AZIN1: variants seen among roughly 807,000 people sequenced by gnomAD.
AZIN1 encodes ornithine decarboxylase antizyme inhibitor.
A neutral mutation model predicts 47.4 loss-of-function variants in AZIN1; 12 were observed. That is an observed-to-expected ratio of 0.25 (90% CI 0.16 to 0.41). AZIN1 has a LOEUF of 0.41. Among genes scored for constraint, AZIN1 ranks in the 10% least tolerant of loss-of-function variants. The pLI, the probability that AZIN1 is intolerant of heterozygous loss-of-function variation, is 1.00. For missense variants in AZIN1, 410 were observed against 532.4 expected, an observed-to-expected ratio of 0.77 and a Z score of 2.26; for synonymous variants, 155 against 176.3, an observed-to-expected ratio of 0.88 and a Z score of 0.96.
Position 102,833,037 on chromosome 8 carries a change from T to G in AZIN1, c.904+19A>C, listed in dbSNP as rs1176810815. On this transcript the variant is annotated intron_variant, in intron 9 of 11. Transcript: ENST00000337198. ...AATTATCTACCAACAAAAATAAAAC[T>G]ATAAACTTTATAACTTACCTCCAGA... 1 of 1,578,884 alleles carries G rather than the reference T, an allele frequency of 6.3e-7. No homozygotes were observed. Among genetic ancestry groups the G allele is most frequent in the African/African-American group, 1.4e-5 (1 of 73,788 alleles).
At chr8:102,856,084 G>A (rs1813265989) in intron 2 of AZIN1, 2 of 134,082 alleles carry the variant, frequency 1.5e-5, no homozygotes, top group Admixed American at 7.5e-5. Context: ...TCCAGGTCAA[G>A]TTTTTTTTGT....
rs1811823186 is a variant in AZIN1, at chr8:102,836,370, G to T, written c.470C>A (p.Thr157Lys). 3 of 1,613,980 alleles carry T rather than the reference G, an allele frequency of 1.9e-6. No individual in the cohort carries two copies. Among genetic ancestry groups the T allele is most frequent in the Middle Eastern group, 3.3e-4 (2 of 6,062 alleles). ...CTCTTCACCTCCAATATTATCTTCT[G>T]TTGCAATATGTAGTAAGACCCTAAG... Reference protein sequence around the residue: ...PNAKVLLHIATEDNIGGEEGN... With the variant: ...PNAKVLLHIAKEDNIGGEEGN... Residue 157 changes from threonine (T) to lysine (K), a missense_variant, in exon 6 of 12, where the codon ACA becomes AAA. Physicochemically the swap from Thr to Lys is moderately conservative, Grantham distance 78 (BLOSUM62 -1). Coordinates refer to ENST00000337198, the MANE Select transcript of AZIN1 (RefSeq NM_148174.4).
In AZIN1 at chr8:102,836,409, A is replaced by AT; in HGVS notation, c.450-20dup. The AT allele has an allele frequency of 6.2e-7, 1 of 1,612,752 alleles. No individual in the cohort carries two copies. The highest frequency in any genetic ancestry group is 8.5e-7 in the Non-Finnish European group (1 of 1,179,138). ...TAAGACCCTAAGAGAAGGGGAGATG[A>AT]TTGGGGCAGAGTTGGTTTACATCAT... On this transcript the variant is annotated intron_variant, in intron 5 of 11. Transcript: ENST00000337198.
intron 8 of AZIN1, 120 bp downstream of exon 8, chr8:102,834,069 T>G: frequency 1.4e-6 from 1 of 737,050 alleles, no homozygotes; most frequent in Non-Finnish European, 2.2e-6. Context: ...AAGAACATAA[T>G]TTTAAAGAGA....
At chr8:102,862,395 G>A (rs114213688) in intron 1 of AZIN1, among the ~76,000 whole-genome samples, 1,656 of 152,166 alleles carry the variant, frequency 0.011, 30 homozygotes, top group African/African-American at 0.037. Flanking sequence ...GTTTGAAAAC[G>A]TATGTGATAA....
intron 2 of AZIN1, among the ~76,000 whole-genome samples, chr8:102,852,690 A>G (rs992340647): frequency 1.3e-5 from 2 of 152,230 alleles, no homozygotes; most frequent in African/African-American, 4.8e-5. Flanking sequence ...GAACCTGACT[A>G]TCCTAATCCC....
At chr8:102,833,643 C>A (rs1262579879) in intron 8 of AZIN1, among the ~76,000 whole-genome samples, 1 of 151,962 alleles carries the variant, frequency 6.6e-6, no homozygotes, top group Non-Finnish European at 1.5e-5. Context: ...GTGGCTCACA[C>A]CTGTAACCCC....
chr8:102,826,326 C>T lies in AZIN1; in HGVS notation c.*2241G>A, dbSNP rs935247610. On this transcript the variant is annotated 3_prime_UTR_variant, in exon 12 of 12. Transcript: ENST00000337198. ...ATAAAGCTGATATGTAAAATTTTAC[C>T]TCTATTTCAGATAGAAGCCAAAGTA... is the stretch of plus-strand genomic sequence containing the variant. The T allele has an allele frequency of 6.6e-6, 1 of 152,484 alleles. No homozygotes were observed. The highest frequency in any genetic ancestry group is 1.5e-5 in the Non-Finnish European group (1 of 68,008). 9.4% of individuals were successfully genotyped at this position (152,484 alleles called of 1,614,324 possible). A position where few individuals can be genotyped will look rare whatever the true frequency, so the allele number is the denominator to read the frequency against.
At chr8:102,834,862 T>C (rs1360092615) in intron 6 of AZIN1, 115 bp from the exon 7 acceptor site, 6 of 669,132 alleles carry the variant, frequency 9.0e-6, no homozygotes, top group Non-Finnish European at 1.3e-5. Flanking sequence ...CCATTAACTT[T>C]ACCAAATATT....
At chr8:102,854,605 AAAATATATATAT>A (rs1813155077) in intron 2 of AZIN1, 1 of 124,648 alleles carries the variant, frequency 8.0e-6, no homozygotes, top group African/African-American at 2.9e-5. Flanking sequence ...AAAAAAAAAA[AAAATATATATAT>A]ATATATATAT....
intron 3 of AZIN1, among the ~76,000 whole-genome samples, chr8:102,843,111 G>C (rs1812324154): frequency 6.7e-6 from 1 of 148,834 alleles, no homozygotes; most frequent in Admixed American, 6.8e-5. Flanking sequence ...AGGAGGCTGA[G>C]AGAGAACTGC....
At chr8:102,833,634 T>G (rs1217458204) in intron 8 of AZIN1, among the ~76,000 whole-genome samples, 2 of 152,058 alleles carry the variant, frequency 1.3e-5, no homozygotes, top group African/African-American at 4.8e-5. Flanking sequence ...CTGGGAGTGG[T>G]GGCTCACACC....
rs1465292875 is a variant in AZIN1 at position 102,827,251 on chromosome 8, G to T, written c.*1316C>A. On this transcript the variant is annotated 3_prime_UTR_variant, in exon 12 of 12. Coordinates refer to ENST00000337198, the MANE Select transcript of AZIN1 (RefSeq NM_148174.4). ...TTACTATTGTGATTCTGAGATCTAGGATTTCTAATATACTAGCAGTAAACA... is the reference window on the plus strand; with the variant it reads ...TTACTATTGTGATTCTGAGATCTAGTATTTCTAATATACTAGCAGTAAACA... 1.3e-5 allele frequency: 2 copies of T among 152,378 alleles called. No individual in the cohort carries two copies. The highest frequency in any genetic ancestry group is 2.1e-4 in the South Asian group (1 of 4,820). 9.4% of individuals were successfully genotyped at this position (152,378 alleles called of 1,614,324 possible).
intron 9 of AZIN1, among the ~76,000 whole-genome samples, chr8:102,831,583 C>T (rs1019925156): frequency 1.7e-4 from 24 of 141,022 alleles, no homozygotes; most frequent in Admixed American, 8.9e-4. Flanking sequence ...GTGGAGGTTG[C>T]AGTGAGCTGA....
intron 2 of AZIN1, among the ~76,000 whole-genome samples, chr8:102,853,279 C>T (rs574827227): frequency 6.6e-6 from 1 of 152,298 alleles, no homozygotes; most frequent in South Asian, 2.1e-4. Context: ...CCAAGGAAGG[C>T]GGATCATGGG....
At chr8:102,854,808 C>T (rs1432827471) in intron 2 of AZIN1, among the ~76,000 whole-genome samples, 2 of 151,314 alleles carry the variant, frequency 1.3e-5, no homozygotes, top group Non-Finnish European at 2.9e-5. Context: ...CTTTTTAAAG[C>T]AAACTTGTTA....
intron 8 of AZIN1, among the ~76,000 whole-genome samples, chr8:102,833,624 C>T (rs1306749048): frequency 1.3e-5 from 2 of 151,930 alleles, no homozygotes; most frequent in Non-Finnish European, 2.9e-5. Flanking sequence ...CTAAAGTTGG[C>T]TGGGAGTGGT....
rs1413286828 is a variant in AZIN1 at position 102,843,685 on chromosome 8, A to AAT, written c.-34_-33insAT. Reference sequence around the variant, plus strand: ...GTATTCCACAAAGCCGAAAGTCATAAACCAGGAAAGACAAGAGACGGGCCA... The same window carrying AAT: ...GTATTCCACAAAGCCGAAAGTCATAAATACCAGGAAAGACAAGAGACGGGCCA... On this transcript the variant is annotated 5_prime_UTR_variant, in exon 3 of 12. Transcript: ENST00000337198. The AAT allele has an allele frequency of 6.2e-7, 1 of 1,613,228 alleles. No homozygotes were observed. Among genetic ancestry groups the AAT allele is most frequent in the East Asian group, 2.2e-5 (1 of 44,858 alleles).
At chr8:102,862,892 G>A (rs1485916633) in intron 1 of AZIN1, among the ~76,000 whole-genome samples, 4 of 152,238 alleles carry the variant, frequency 2.6e-5, no homozygotes, top group Admixed American at 1.3e-4. Context: ...AGGATACCGT[G>A]TAAGGGTTAG....
Sources: gnomAD v4.1 joint callset for allele counts (sites outside exome capture counted in the v4.1 genomes callset) on GRCh38, gnomAD v4.1.1 for gene constraint, MANE v1.5 for transcripts, NCBI Gene and HGNC (gene_info 2026-07-23, HGNC 2026-07-21) for gene names.